Variants in NCOR1 observed in about 807,000 individuals in gnomAD.
The protein encoded by NCOR1 is nuclear receptor corepressor 1, also known as protein phosphatase 1, regulatory subunit 109.
A neutral mutation model predicts 288.1 loss-of-function variants in NCOR1; 63 were observed. The ratio of observed to expected loss-of-function variants is 0.22; its 90% CI spans 0.18 to 0.27. NCOR1 has a LOEUF of 0.27. Ranked by LOEUF, NCOR1 falls within the 10% of genes least tolerant of loss-of-function variation. The pLI, the probability that NCOR1 is intolerant of heterozygous loss-of-function variation, is 1.00. For synonymous variants in NCOR1, 1,007 were observed against 1,065.9 expected (o/e 0.94, Z 1.08); for missense variants, 2,397 against 3,019.2 (o/e 0.79, Z 4.83).
At chr17:16,186,797 C>G (rs1368288552) in intron 2 of NCOR1, 110 bp from the exon 3 acceptor site, 5 of 898,688 alleles carry the variant, frequency 5.6e-6, no homozygotes, top group Non-Finnish European at 8.5e-6. Context: ...AAAGAAAGAG[C>G]AATGACTATT....
rs138913839 is a variant in NCOR1, at chr17:16,099,888, A to G, written c.2690+1362T>C. On this transcript the variant is annotated intron_variant, in intron 20 of 45. Transcript: ENST00000268712. ...AATTCTAGCATCTACTATATAAAAC[A>G]CTCTGAGGAATCAGCACTATAATGC... 5.2e-3 allele frequency among the ~76,000 whole-genome samples: 799 copies of G among 152,270 alleles called. 2 individuals are homozygous for G. Among genetic ancestry groups the G allele is most frequent in the South Asian group, 0.022 (108 of 4,822 alleles).
rs368404371 is a variant in NCOR1, at chr17:16,138,147, C to T, written c.1407+11G>A. On this transcript the variant is annotated intron_variant, in intron 13 of 45. Transcript: ENST00000268712. ...AACCTACAAACACTCCCAATGCAAACCATGTCTTACCTTCCTCTCCAAGTA... is the reference window on the plus strand; with the variant it reads ...AACCTACAAACACTCCCAATGCAAATCATGTCTTACCTTCCTCTCCAAGTA... 55 of 1,607,774 alleles carry T rather than the reference C, an allele frequency of 3.4e-5. No individual in the cohort carries two copies. In the African/African-American group the frequency reaches 6.0e-4, roughly 18 times the overall value.
intron 42 of NCOR1, chr17:16,040,861 C>G: frequency 4.9e-6 from 1 of 204,404 alleles, no homozygotes; most frequent in Non-Finnish European, 1.0e-5. Flanking sequence ...GAGACTCTCC[C>G]ATCTGTTTAC....
intron 10 of NCOR1, among the ~76,000 whole-genome samples, 177 bp from the exon 11 acceptor site, chr17:16,143,873 A>G (rs2077487557): frequency 6.6e-6 from 1 of 151,254 alleles, no homozygotes; most frequent in Non-Finnish European, 1.5e-5. Context: ...TATTAATAAC[A>G]ATTTAAATGT....
intron 16 of NCOR1, among the ~76,000 whole-genome samples, chr17:16,120,652 T>C (rs1020478784): frequency 1.3e-5 from 2 of 152,118 alleles, no homozygotes; most frequent in African/African-American, 2.4e-5. Flanking sequence ...TAAAATACTA[T>C]GTGAATAAAG....
At chr17:16,209,722 C>T (rs1243241984) in intron 1 of NCOR1, among the ~76,000 whole-genome samples, 9 of 151,142 alleles carry the variant, frequency 6.0e-5, no homozygotes, top group Admixed American at 3.3e-4. Flanking sequence ...GAGGCCAAGG[C>T]GGGCAGATCA....
chr17:16,146,790 A>G (rs2078054914), intron 9 of NCOR1, among the ~76,000 whole-genome samples: 3 of 152,216 alleles, frequency 2.0e-5, no homozygotes, highest in Admixed American at 2.0e-4. Context: ...ATGCATATTT[A>G]TAAACTACTT....
intron 6 of NCOR1, among the ~76,000 whole-genome samples, chr17:16,156,986 A>C (rs2079916450): frequency 6.6e-6 from 1 of 152,152 alleles, no homozygotes; most frequent in Admixed American, 6.5e-5. Flanking sequence ...ACATTTTATA[A>C]AACTTAAAAA....
At chr17:16,127,603 A>ATATATG (rs1429348072) in intron 14 of NCOR1, among the ~76,000 whole-genome samples, 9 of 135,480 alleles carry the variant, frequency 6.6e-5, no homozygotes, top group South Asian at 2.3e-4. Context: ...GTATGTATAC[A>ATATATG]TACATATGTG....
intron 6 of NCOR1, 31 bp downstream of exon 6, chr17:16,158,729 G>T (rs760197489): frequency 2.1e-6 from 3 of 1,426,438 alleles, no homozygotes; most frequent in Non-Finnish European, 2.0e-6. Context: ...GGGGTTAAAG[G>T]CCTGTGCTGC....
At chr17:16,188,881 C>CA (rs2087413247) in intron 2 of NCOR1, among the ~76,000 whole-genome samples, 1 of 151,448 alleles carries the variant, frequency 6.6e-6, no homozygotes, top group South Asian at 2.1e-4. Flanking sequence ...AAAAACTAGC[C>CA]AGGCATGGTG....
chr17:16,039,516 C>A lies in NCOR1; in HGVS notation c.6872G>T (p.Gly2291Val), dbSNP rs958657707. Residue 2291 changes from glycine (G) to valine (V), a missense_variant, in exon 44 of 46, where the codon GGA becomes GTA. Coordinates refer to ENST00000268712, the MANE Select transcript of NCOR1 (RefSeq NM_006311.4). ...DHGVVMSQPMGVVPGTANTSV... is the reference protein window; with the variant it reads ...DHGVVMSQPMVVVPGTANTSV... ...GGTGTTGGCAGTACCAGGCACTACT[C>A]CCATAGGCTGGGACATGACAACTCC... The A allele has an allele frequency of 3.1e-6, 5 of 1,614,116 alleles. No individual in the cohort carries two copies. Among genetic ancestry groups the A allele is most frequent in the Non-Finnish European group, 4.2e-6 (5 of 1,180,026 alleles).
chr17:16,177,611 G>A (rs752264662), intron 3 of NCOR1, among the ~76,000 whole-genome samples: 1 of 152,132 alleles, frequency 6.6e-6, no homozygotes, highest in Non-Finnish European at 1.5e-5. Context: ...ACATGTAAGT[G>A]GGGCAAAGGA....
intron 22 of NCOR1, chr17:16,087,115 C>T (rs1350723520): frequency 1.4e-5 from 17 of 1,241,232 alleles, no homozygotes; most frequent in Non-Finnish European, 1.8e-5. Context: ...AAACCACCCA[C>T]GTGGAACATC....
intron 30 of NCOR1, among the ~76,000 whole-genome samples, chr17:16,071,129 A>G (rs138257906): frequency 1.7e-4 from 26 of 150,698 alleles, no homozygotes; most frequent in African/African-American, 5.6e-4. Flanking sequence ...AAAATACAAA[A>G]ATTCTGGGTG....
intron 6 of NCOR1, among the ~76,000 whole-genome samples, chr17:16,157,996 T>C (rs1198403264): frequency 1.3e-5 from 2 of 151,810 alleles, no homozygotes; most frequent in African/African-American, 4.8e-5. Context: ...TTTTTGAGAC[T>C]TGAGTTTTGG....
chr17:16,049,089 CA>C (rs1394641109), intron 40 of NCOR1, 101 bp from the exon 41 acceptor site: 1 of 1,197,008 alleles, frequency 8.4e-7, no homozygotes, highest in Non-Finnish European at 1.1e-6. Flanking sequence ...GGAGAAGGAG[CA>C]AAAGCTGCCA....
rs750649256 is a variant in NCOR1 at position 16,139,131 on chromosome 17, G to C, written c.1229C>G (p.Ala410Gly). ...AATGAACTTGACTCGTCTTTGTTCT[G>C]CATCAAACATCATAGGTGGAATCAC... The part of the protein sequence containing the change: ...LSVIPPMMFD[A>G]EQRRVKFINM... Residue 410 changes from alanine to glycine, a missense_variant, in exon 12 of 46, where the codon GCA becomes GGA. Coordinates refer to ENST00000268712, the MANE Select transcript of NCOR1 (RefSeq NM_006311.4). 1.2e-6 allele frequency: 2 copies of C among 1,613,384 alleles called. No homozygotes were observed. The highest frequency in any genetic ancestry group is 1.3e-5 in the African/African-American group (1 of 74,858).
intron 10 of NCOR1, among the ~76,000 whole-genome samples, chr17:16,144,728 TCCTCTC>T (rs1257490906): frequency 4.6e-5 from 7 of 151,010 alleles, no homozygotes; most frequent in South Asian, 4.2e-4. Flanking sequence ...TCCCTCTCTC[TCCTCTC>T]CCTCTCCGCT....
Sources: gnomAD v4.1 joint callset for allele counts (sites outside exome capture counted in the v4.1 genomes callset) on GRCh38, gnomAD v4.1.1 for gene constraint, MANE v1.5 for transcripts, NCBI Gene and HGNC (gene_info 2026-07-23, HGNC 2026-07-21) for gene names.